PHF24: variants seen among roughly 807,000 people sequenced by gnomAD.
PHF24 encodes Galpha inhibitory interacting protein.
Under a neutral mutation model 42.6 loss-of-function variants are expected in PHF24, and 25 were observed. The ratio of observed to expected loss-of-function variants is 0.59; its 90% CI spans 0.43 to 0.82. The LOEUF (loss-of-function observed/expected upper bound fraction) is 0.82. PHF24 is among the 40% of genes least tolerant of loss of function. The probability of loss-of-function intolerance (pLI) is 0.00; values close to 1 mark genes in which losing one functional copy is unlikely to be tolerated. For missense variants in PHF24, 470 were observed against 538.1 expected, an observed-to-expected ratio of 0.87 and a Z score of 1.25; for synonymous variants, 185 against 204.8, an observed-to-expected ratio of 0.90 and a Z score of 0.83.
At chr9:34,741,246 A>G in the PHF24 span, among the ~76,000 whole-genome samples, 1 of 152,136 alleles carries the variant, frequency 6.6e-6, no homozygotes, top group Non-Finnish European at 1.5e-5. Flanking sequence ...ACGTATATAT[A>G]TAGATCATTA....
the PHF24 span, chr9:34,893,103 C>G: frequency 1.1e-6 from 1 of 892,648 alleles, no homozygotes; most frequent in South Asian, 2.2e-5. Flanking sequence ...CAGCAGGGGT[C>G]TGCACACAGG....
chr9:34,912,991 A>C, the PHF24 span, among the ~76,000 whole-genome samples: 1 of 152,210 alleles, frequency 6.6e-6, no homozygotes, highest in South Asian at 2.1e-4. Flanking sequence ...AAAGAAATAT[A>C]AATTATAAAA....
chr9:34,848,474 AT>A, the PHF24 span, among the ~76,000 whole-genome samples: 2 of 151,958 alleles, frequency 1.3e-5, no homozygotes, highest in Non-Finnish European at 2.9e-5. Context: ...TATTGCGTCT[AT>A]TTGATTCTTC....
chr9:34,791,261 T>C, the PHF24 span, among the ~76,000 whole-genome samples: 1 of 152,152 alleles, frequency 6.6e-6, no homozygotes, highest in Non-Finnish European at 1.5e-5. Flanking sequence ...CAGAATTCAC[T>C]GATGGAATAG....
the PHF24 span, among the ~76,000 whole-genome samples, chr9:34,858,582 G>A: frequency 6.6e-6 from 1 of 152,214 alleles, no homozygotes; most frequent in Admixed American, 6.5e-5. Flanking sequence ...AGGCAGGCCT[G>A]AAGCCTGTGT....
At chr9:34,789,057 C>T in the PHF24 span, among the ~76,000 whole-genome samples, 16 of 152,226 alleles carry the variant, frequency 1.1e-4, no homozygotes, top group African/African-American at 2.4e-4. Flanking sequence ...ACCGGGCCCA[C>T]GCACGCAGAC....
the PHF24 span, among the ~76,000 whole-genome samples, chr9:34,716,564 G>T: frequency 3.9e-5 from 5 of 128,592 alleles, no homozygotes; most frequent in South Asian, 1.1e-3. Flanking sequence ...GTTTTGTTTT[G>T]CTTTGTTTTG....
At chr9:34,972,574 C>T in intron 3 of PHF24, 43 bp downstream of exon 3, 1 of 1,530,640 alleles carries the variant, frequency 6.5e-7, no homozygotes. Context: ...TGGCACTTTT[C>T]CTGGAGGCCC....
At chr9:34,858,844 T>G in the PHF24 span, among the ~76,000 whole-genome samples, 1 of 152,246 alleles carries the variant, frequency 6.6e-6, no homozygotes, top group African/African-American at 2.4e-5. Context: ...GGTGCTTTCA[T>G]GTTTCCTTGT....
chr9:34,967,744 C>A (rs1826829570), intron 1 of PHF24, among the ~76,000 whole-genome samples: 1 of 152,198 alleles, frequency 6.6e-6, no homozygotes, highest in Non-Finnish European at 1.5e-5. Context: ...CCACTGGGTC[C>A]AAAGCCTCAG....
chr9:34,771,152 G>C, the PHF24 span, among the ~76,000 whole-genome samples: 5 of 152,312 alleles, frequency 3.3e-5, no homozygotes, highest in Admixed American at 6.5e-5. Context: ...GTGAAATACA[G>C]TCATGTGTCA....
the PHF24 span, among the ~76,000 whole-genome samples, chr9:34,668,170 G>A: frequency 1.3e-5 from 2 of 152,216 alleles, no homozygotes; most frequent in Non-Finnish European, 2.9e-5. Context: ...AAGATGGGAA[G>A]GCCATAGCCC....
chr9:34,775,363 A>G, the PHF24 span, among the ~76,000 whole-genome samples: 1 of 152,178 alleles, frequency 6.6e-6, no homozygotes, highest in African/African-American at 2.4e-5. Context: ...CAGAAAGAAT[A>G]CTTGTTAGCA....
chr9:34,704,021 G>C, the PHF24 span, among the ~76,000 whole-genome samples: 1 of 147,220 alleles, frequency 6.8e-6, no homozygotes, highest in Non-Finnish European at 1.5e-5. Context: ...CCTGGCCTGA[G>C]ATCTATTAGC....
the PHF24 span, among the ~76,000 whole-genome samples, chr9:34,715,902 C>A: frequency 6.6e-6 from 1 of 152,320 alleles, no homozygotes; most frequent in East Asian, 1.9e-4. Context: ...GTCTCAGGCC[C>A]GTTTGCTCTT....
chr9:34,932,515 C>A, the PHF24 span, among the ~76,000 whole-genome samples: 1 of 152,178 alleles, frequency 6.6e-6, no homozygotes, highest in East Asian at 1.9e-4. Flanking sequence ...GTTGAATATC[C>A]CATGGACTAG....
At chr9:34,727,019 T>G in the PHF24 span, 1 of 1,534,008 alleles carries the variant, frequency 6.5e-7, no homozygotes, top group East Asian at 2.5e-5. Flanking sequence ...AAATTAACGA[T>G]GGAGTGACAT....
chr9:34,966,660 A>T (rs1826782385), intron 1 of PHF24, among the ~76,000 whole-genome samples: 1 of 151,816 alleles, frequency 6.6e-6, no homozygotes, highest in Non-Finnish European at 1.5e-5. Context: ...ATCACAAGTT[A>T]TTCAGTAATT....
At chr9:34,806,034 A>G in the PHF24 span, among the ~76,000 whole-genome samples, 1 of 152,152 alleles carries the variant, frequency 6.6e-6, no homozygotes, top group East Asian at 1.9e-4. Flanking sequence ...CCATAGATGT[A>G]TGGGCTTATT....
Sources: gnomAD v4.1 joint callset for allele counts (sites outside exome capture counted in the v4.1 genomes callset) on GRCh38, gnomAD v4.1.1 for gene constraint, MANE v1.5 for transcripts, NCBI Gene and HGNC (gene_info 2026-07-23, HGNC 2026-07-21) for gene names.